NKAIN2: variants seen among roughly 807,000 people sequenced by gnomAD.
NKAIN2 encodes sodium/potassium-transporting ATPase subunit beta-1-interacting protein 2.
In NKAIN2, 14 loss-of-function variants were observed where a neutral mutation model predicts 32.6. The ratio of observed to expected loss-of-function variants is 0.43; its 90% confidence interval spans 0.28 to 0.67. The LOEUF (loss-of-function observed/expected upper bound fraction) is 0.67, where lower values mean the gene tolerates loss of function less well. Ranked by LOEUF, NKAIN2 falls within the 30% of genes least tolerant of loss-of-function variation. The probability of loss-of-function intolerance (pLI) is 0.17; values close to 1 mark genes in which losing one functional copy is unlikely to be tolerated. For synonymous variants in NKAIN2, 80 were observed against 87.2 expected (o/e 0.92, Z 0.46); for missense variants, 198 against 258.3 (o/e 0.77, Z 1.60).
intron 1 of NKAIN2, among the ~76,000 whole-genome samples, chr6:124,080,777 C>G (rs896359243): frequency 1.3e-5 from 2 of 152,082 alleles, no homozygotes; most frequent in African/African-American, 2.4e-5. Flanking sequence ...CTTTTATATC[C>G]TCTTCCTTCT....
chr6:124,605,191 T>C (rs1308006677), intron 3 of NKAIN2, among the ~76,000 whole-genome samples: 1 of 152,082 alleles, frequency 6.6e-6, no homozygotes. Context: ...AAACAAATAA[T>C]TAGAAATATT....
intron 2 of NKAIN2, among the ~76,000 whole-genome samples, chr6:124,341,308 G>A (rs977189640): frequency 6.6e-6 from 1 of 152,062 alleles, no homozygotes; most frequent in Non-Finnish European, 1.5e-5. Flanking sequence ...AATACTTAGT[G>A]AGACTTTTTA....
At chr6:124,768,304 T>C (rs991149771) in intron 4 of NKAIN2, among the ~76,000 whole-genome samples, 2 of 152,174 alleles carry the variant, frequency 1.3e-5, no homozygotes, top group African/African-American at 4.8e-5. Context: ...ATATCCAACC[T>C]TATTGCAAAG....
intron 3 of NKAIN2, among the ~76,000 whole-genome samples, chr6:124,588,528 A>G (rs952649379): frequency 3.3e-5 from 5 of 152,192 alleles, no homozygotes; most frequent in African/African-American, 1.2e-4. Context: ...TTTAAATGGT[A>G]TATTAGGTTC....
At chr6:124,405,751 C>T (rs1381317617) in intron 3 of NKAIN2, among the ~76,000 whole-genome samples, 2 of 151,606 alleles carry the variant, frequency 1.3e-5, no homozygotes, top group Non-Finnish European at 2.9e-5. Context: ...AGTGTGATAT[C>T]CCCCCAAAAT....
chr6:124,809,950 G>C (rs564472534), intron 5 of NKAIN2, among the ~76,000 whole-genome samples: 1 of 152,262 alleles, frequency 6.6e-6, no homozygotes, highest in East Asian at 1.9e-4. Flanking sequence ...TCTCACACCA[G>C]TTAGAATGGC....
In NKAIN2 at chr6:124,809,613, CA is replaced by C. The variant is rs1312213925; in HGVS notation, c.536-8771del. On this transcript the variant is annotated intron_variant, in intron 5 of 6. Transcript: ENST00000368417. The stretch of plus-strand genomic sequence containing the variant: ...CTAAAACACCAAAAGCAATGGCAAC[CA>C]AAGCCAAAATTGACAAATGGGATCT... Among the ~76,000 whole-genome samples, 3 of 149,852 alleles carry C rather than the reference CA, an allele frequency of 2.0e-5. No homozygotes were observed. The East Asian group carries it at 6.0e-4, about 30-fold the overall frequency.
intron 1 of NKAIN2, among the ~76,000 whole-genome samples, chr6:123,867,089 T>C (rs1354595034): frequency 6.6e-6 from 1 of 152,190 alleles, no homozygotes; most frequent in Non-Finnish European, 1.5e-5. Flanking sequence ...GGGAGATGTT[T>C]CAATATTCTT....
chr6:124,636,518 C>A (rs958921137), intron 3 of NKAIN2, among the ~76,000 whole-genome samples: 1 of 151,600 alleles, frequency 6.6e-6, no homozygotes, highest in Non-Finnish European at 1.5e-5. Flanking sequence ...ATCCATGATG[C>A]AGACTAAGAG....
intron 1 of NKAIN2, among the ~76,000 whole-genome samples, chr6:124,244,047 T>C (rs952471642): frequency 6.6e-6 from 1 of 150,788 alleles, no homozygotes; most frequent in Non-Finnish European, 1.5e-5. Flanking sequence ...TAGAAATGAT[T>C]TCTTTCTGTA....
intron 2 of NKAIN2, among the ~76,000 whole-genome samples, chr6:124,305,405 T>A (rs1336387197): frequency 6.6e-6 from 1 of 152,208 alleles, no homozygotes; most frequent in Non-Finnish European, 1.5e-5. Context: ...TTGGCAGGAC[T>A]TCACGACTTA....
intron 1 of NKAIN2, among the ~76,000 whole-genome samples, chr6:123,835,381 T>G (rs1005417353): frequency 6.6e-6 from 1 of 152,210 alleles, no homozygotes; most frequent in Non-Finnish European, 1.5e-5. Context: ...TAGTTGTCAT[T>G]TTTTAAAAAA....
chr6:124,008,415 A>G (rs1780174428), intron 1 of NKAIN2, among the ~76,000 whole-genome samples: 1 of 152,100 alleles, frequency 6.6e-6, no homozygotes, highest in Admixed American at 6.6e-5. Flanking sequence ...ATTATGTACA[A>G]CTCATTAGTC....
rs1582768576 is a variant in NKAIN2 at position 124,163,375 on chromosome 6, C to G, written c.55-119630C>G. On this transcript the variant is annotated intron_variant, in intron 1 of 6. Transcript: ENST00000368417. ...AATGAAACCATTAAGGCCAATTTTG[C>G]AAAAGGCCAACAAGAATGTCTCATT... 2.0e-5 allele frequency among the ~76,000 whole-genome samples: 3 copies of G among 151,928 alleles called. No homozygotes were observed. The East Asian group carries it at 5.8e-4, about 29-fold the overall frequency.
At chr6:123,830,823 A>T (rs1390266209) in intron 1 of NKAIN2, among the ~76,000 whole-genome samples, 2 of 152,064 alleles carry the variant, frequency 1.3e-5, no homozygotes, top group Non-Finnish European at 2.9e-5. Context: ...CTGGCAAGGG[A>T]TTGGTGTTAA....
intron 1 of NKAIN2, among the ~76,000 whole-genome samples, chr6:124,149,570 G>A (rs1787592070): frequency 6.6e-6 from 1 of 152,166 alleles, no homozygotes; most frequent in African/African-American, 2.4e-5. Flanking sequence ...TAGTATGCTT[G>A]TTGAAAATCA....
intron 2 of NKAIN2, among the ~76,000 whole-genome samples, chr6:124,352,192 A>G (rs923101802): frequency 2.0e-5 from 3 of 152,148 alleles, no homozygotes; most frequent in Non-Finnish European, 4.4e-5. Context: ...TCTATATGCT[A>G]TTTATTTGCA....
chr6:124,619,437 TTTAACAG>T (rs1357955161), intron 3 of NKAIN2, among the ~76,000 whole-genome samples: 3 of 152,160 alleles, frequency 2.0e-5, no homozygotes, highest in African/African-American at 7.2e-5. Flanking sequence ...AATATTTTAT[TTTAACAG>T]ATGGCCTCTG....
At chr6:124,045,189 T>C (rs1476954281) in intron 1 of NKAIN2, among the ~76,000 whole-genome samples, 6 of 151,798 alleles carry the variant, frequency 4.0e-5, no homozygotes, top group Non-Finnish European at 8.8e-5. Context: ...CTAATATATA[T>C]ATAGAATGCA....
Sources: allele counts gnomAD v4.1 joint callset (sites outside exome capture counted in the v4.1 genomes callset), GRCh38; gene constraint gnomAD v4.1.1; transcripts MANE v1.5; gene names NCBI Gene and HGNC (gene_info 2026-07-23, HGNC 2026-07-21).